The following RRAS2 variants were observed in gnomAD, a reference collection of about 807,000 sequenced individuals.
RRAS2 encodes RAS related 2, also known as ras-related protein R-Ras2.
In RRAS2, 7 loss-of-function variants were observed where a neutral mutation model predicts 27.6. That is an observed-to-expected ratio of 0.25 (90% CI 0.14 to 0.48). The LOEUF (loss-of-function observed/expected upper bound fraction) is 0.48, where lower values mean the gene tolerates loss of function less well. Ranked by LOEUF, RRAS2 falls within the 20% of genes least tolerant of loss-of-function variation. The pLI is 0.99. For missense variants in RRAS2, 178 were observed against 256.2 expected, an observed-to-expected ratio of 0.69 and a Z score of 2.08; for synonymous variants, 86 against 90.9, an observed-to-expected ratio of 0.95 and a Z score of 0.31.
chr11:14,300,759 A>C (rs892141906), intron 1 of RRAS2, among the ~76,000 whole-genome samples: 1 of 152,274 alleles, frequency 6.6e-6, no homozygotes, highest in East Asian at 1.9e-4. Flanking sequence ...CCCCATTCAA[A>C]GAAGCCACGT....
chr11:14,347,869 GAA>G (rs11350875), intron 1 of RRAS2, among the ~76,000 whole-genome samples: 4 of 150,342 alleles, frequency 2.7e-5, no homozygotes, highest in African/African-American at 7.4e-5. Flanking sequence ...AATTCCAGTA[GAA>G]AAAAAAAAAT....
chr11:14,279,850 G>GT (rs1377008131), intron 5 of RRAS2, among the ~76,000 whole-genome samples: 5 of 152,150 alleles, frequency 3.3e-5, no homozygotes, highest in South Asian at 2.1e-4. Context: ...CTGAGCCCCA[G>GT]TTTTTTTAGA....
At chr11:14,280,644 T>C (rs1171641843) in intron 5 of RRAS2, among the ~76,000 whole-genome samples, 1 of 141,508 alleles carries the variant, frequency 7.1e-6, no homozygotes, top group Non-Finnish European at 1.5e-5. Context: ...GAGAATTGCT[T>C]GAACCCAGGA....
intron 4 of RRAS2, among the ~76,000 whole-genome samples, chr11:14,286,665 A>G (rs955649648): frequency 6.6e-6 from 1 of 152,242 alleles, no homozygotes; most frequent in Non-Finnish European, 1.5e-5. Context: ...ACCAATATAC[A>G]TATATCCAAC....
chr11:14,326,353 G>A (rs1397110707), intron 1 of RRAS2, among the ~76,000 whole-genome samples: 1 of 152,180 alleles, frequency 6.6e-6, no homozygotes, highest in Admixed American at 6.5e-5. Context: ...ATGCCAGGAA[G>A]TATGCCACTG....
At chr11:14,318,726 G>A (rs1848164690) in intron 1 of RRAS2, among the ~76,000 whole-genome samples, 1 of 152,180 alleles carries the variant, frequency 6.6e-6, no homozygotes, top group East Asian at 1.9e-4. Flanking sequence ...GAGGAAGGCA[G>A]AGTGTTTAGG....
chr11:14,358,631 TCCCGCCCCCTGGCCCCGG>T lies in RRAS2; in HGVS notation c.108+114_108+131del. ...CAGGAGCGTAGTCGGCCCCGCGCCC[TCCCGCCCCCTGGCCCCGG>T]CCCGGGCCCGCGAGGCGCCTCTGGG... On this transcript the variant is annotated intron_variant, in intron 1 of 5. Transcript: ENST00000256196. This position sits in a 1 kb window ranked among gnomAD's most constrained non-coding sequence, Gnocchi z 5.1. 1 of 969,632 alleles carries T rather than the reference TCCCGCCCCCTGGCCCCGG, an allele frequency of 1.0e-6. No individual in the cohort carries two copies. Among genetic ancestry groups the T allele is most frequent in the Non-Finnish European group, 1.2e-6 (1 of 816,138 alleles). The allele number at this position is 969,632 out of a possible 1,614,324, so 60.1% of individuals were successfully genotyped here.
chr11:14,354,737 C>T (rs1293134758), intron 1 of RRAS2, among the ~76,000 whole-genome samples: 1 of 128,690 alleles, frequency 7.8e-6, no homozygotes, highest in Non-Finnish European at 1.6e-5. Context: ...AGTGCAGTGG[C>T]GCAACCTTGA....
chr11:14,294,686 C>T, intron 3 of RRAS2, 74 bp downstream of exon 3: 3 of 1,521,046 alleles, frequency 2.0e-6, no homozygotes, highest in South Asian at 2.4e-5. Context: ...TCTATAAAAA[C>T]AAAAAGTCCA....
rs1346061635 is a variant in RRAS2, at chr11:14,347,822, TA to T, written c.108+10940del. Among the ~76,000 whole-genome samples, 10 of 151,986 alleles carry T rather than the reference TA, an allele frequency of 6.6e-5. No homozygotes were observed. In the East Asian group the frequency reaches 1.9e-3, roughly 29 times the overall value. On this transcript the variant is annotated intron_variant, in intron 1 of 5. Coordinates refer to ENST00000256196, the MANE Select transcript of RRAS2 (RefSeq NM_012250.6). ...GGGCACCAGAGCAAGACCCTGTCTT[TA>T]AAATTTTTAAAAGAATATAAATAAT...
chr11:14,362,846 C>T (rs1344010779), upstream of RRAS2, among the ~76,000 whole-genome samples: 10 of 152,286 alleles, frequency 6.6e-5, no homozygotes, highest in East Asian at 1.9e-3. Context: ...AGCCTCACAT[C>T]GCAGAAGCAG....
rs533310972 is a variant in RRAS2 at position 14,328,921 on chromosome 11, C to T, written c.108+29842G>A. Among the ~76,000 whole-genome samples, 234 of 151,780 alleles carry T rather than the reference C, an allele frequency of 1.5e-3. 2 individuals carry two copies. Among genetic ancestry groups the T allele is most frequent in the South Asian group, 2.9e-3 (14 of 4,788 alleles). ...TCAGGTGATCCACCGGCCTCGGCCT[C>T]CCAAAGTGCTGGGATTACAAGTGTG... On this transcript the variant is annotated intron_variant, in intron 1 of 5. Coordinates refer to ENST00000256196, the MANE Select transcript of RRAS2 (RefSeq NM_012250.6).
Position 14,359,058 on chromosome 11 carries a change from C to G in RRAS2, c.-188G>C. ...GCGCTGGGGACTGGCTGGGTACCGCCCGAGGCGCGGAGAAGCGGGGTGACG... is the reference window on the plus strand; with the variant it reads ...GCGCTGGGGACTGGCTGGGTACCGCGCGAGGCGCGGAGAAGCGGGGTGACG... On this transcript the variant is annotated 5_prime_UTR_variant, in exon 1 of 6. Coordinates refer to ENST00000256196, the MANE Select transcript of RRAS2 (RefSeq NM_012250.6). 9.0e-7 allele frequency: 1 copy of G among 1,107,394 alleles called. No homozygotes were observed. Among genetic ancestry groups the G allele is most frequent in the Non-Finnish European group, 1.1e-6 (1 of 908,794 alleles). 68.6% of individuals were successfully genotyped at this position (1,107,394 alleles called of 1,614,324 possible).
intron 4 of RRAS2, 75 bp from the exon 5 acceptor site, chr11:14,281,795 T>G (rs1849544467): frequency 1.5e-6 from 2 of 1,296,854 alleles, no homozygotes; most frequent in African/African-American, 3.0e-5. Context: ...GGCCACAGAT[T>G]GTGCTAATAA....
chr11:14,359,654 G>T (rs750477157), upstream of RRAS2, among the ~76,000 whole-genome samples: 1 of 152,324 alleles, frequency 6.6e-6, no homozygotes, highest in Middle Eastern at 3.4e-3. Flanking sequence ...TGAGCATGGA[G>T]AATAAGTCAG....
rs1362492985 is a variant in RRAS2, at chr11:14,292,037, AC to A, written c.408+2433del. On this transcript the variant is annotated intron_variant, in intron 4 of 5. Transcript: ENST00000256196. ...ATTTTGTGCATGAAACAAAGCTTTCACTGTGACATCACATGACATCAGGTGT... is the reference window on the plus strand; with the variant it reads ...ATTTTGTGCATGAAACAAAGCTTTCATGTGACATCACATGACATCAGGTGT... Among the ~76,000 whole-genome samples, 3 of 152,242 alleles carry A rather than the reference AC, an allele frequency of 2.0e-5. No homozygotes were observed. In the East Asian group the frequency reaches 5.8e-4, roughly 29 times the overall value.
intron 1 of RRAS2, among the ~76,000 whole-genome samples, chr11:14,325,344 C>G (rs1364681188): frequency 2.1e-5 from 3 of 145,436 alleles, no homozygotes; most frequent in African/African-American, 7.6e-5. Flanking sequence ...CAGAGTCTCG[C>G]TCTGTCGCCC....
intron 4 of RRAS2, among the ~76,000 whole-genome samples, chr11:14,293,555 G>A (rs1215721938): frequency 5.9e-5 from 9 of 151,726 alleles, no homozygotes; most frequent in African/African-American, 1.2e-4. Context: ...AATCATCCGC[G>A]GTTTCCCCCA....
At position 14,328,985 on chromosome 11, in the gene RRAS2, A is replaced by ATGTG. The variant is rs201186500; in HGVS notation, c.108+29774_108+29777dup. 2.0e-3 allele frequency among the ~76,000 whole-genome samples: 285 copies of ATGTG among 139,714 alleles called. 1 individual carries two copies. The highest frequency in any genetic ancestry group is 7.7e-3 in the Middle Eastern group (2 of 260). 91.7% of individuals were successfully genotyped at this position (139,714 alleles called of 152,430 possible). On this transcript the variant is annotated intron_variant, in intron 1 of 5. Transcript: ENST00000256196. ...GGCACATACACCAAATTTTATATAT[A>ATGTG]TGTGTGTGTGTGTGTGTGTGTGTGT...
Sources: allele counts gnomAD v4.1 joint callset (sites outside exome capture counted in the v4.1 genomes callset), GRCh38; gene constraint gnomAD v4.1.1; non-coding constraint Gnocchi (gnomAD v3.1); transcripts MANE v1.5; gene names NCBI Gene and HGNC (gene_info 2026-07-23, HGNC 2026-07-21).